ITPR1: variants seen among roughly 807,000 people sequenced by gnomAD.
ITPR1 encodes inositol 1,4,5-trisphosphate-gated calcium channel ITPR1.
Under a neutral mutation model 318.4 loss-of-function variants are expected in ITPR1, and 96 were observed. The observed-to-expected ratio is 0.30, with a 90% CI of 0.26 to 0.36. The LOEUF is 0.36. ITPR1 is among the 10% of genes least tolerant of loss of function. The pLI, the probability that ITPR1 is intolerant of heterozygous loss-of-function variation, is 1.00. For synonymous variants in ITPR1, 1,312 were observed against 1,289.9 expected (o/e 1.02, Z -0.37); for missense variants, 2,440 against 3,460.2 (o/e 0.71, Z 7.40).
intron 50 of ITPR1, among the ~76,000 whole-genome samples, chr3:4,783,185 C>G (rs1298029519): frequency 6.6e-6 from 1 of 152,154 alleles, no homozygotes; most frequent in Admixed American, 6.5e-5. Flanking sequence ...GGGGATACGG[C>G]AATACTTTAT....
At chr3:4,625,188 T>G (rs2092783602) in intron 4 of ITPR1, among the ~76,000 whole-genome samples, 1 of 151,952 alleles carries the variant, frequency 6.6e-6, no homozygotes, top group African/African-American at 2.4e-5. Flanking sequence ...TTACAGAAAC[T>G]GGAAAAATAC....
At chr3:4,658,727 TCAA>T (rs1245707900) in intron 13 of ITPR1, among the ~76,000 whole-genome samples, 1 of 152,088 alleles carries the variant, frequency 6.6e-6, no homozygotes, top group Non-Finnish European at 1.5e-5. Flanking sequence ...ATTGAGACAT[TCAA>T]CCAGAAATCT....
chr3:4,688,822 G>A (rs535800965), intron 31 of ITPR1, among the ~76,000 whole-genome samples: 4 of 152,248 alleles, frequency 2.6e-5, no homozygotes, highest in South Asian at 4.1e-4. Context: ...TTGGGGAGGG[G>A]AAAAGGAGGA....
intron 4 of ITPR1, among the ~76,000 whole-genome samples, chr3:4,626,072 C>G (rs1424802462): frequency 6.6e-6 from 1 of 151,982 alleles, no homozygotes; most frequent in African/African-American, 2.4e-5. Context: ...CCAGGAGTTC[C>G]AGGCTGTAGT....
intron 5 of ITPR1, 34 bp downstream of exon 5, chr3:4,627,912 TAGTG>T: frequency 7.6e-7 from 1 of 1,324,454 alleles, no homozygotes; most frequent in Non-Finnish European, 1.1e-6. Context: ...GATGGGGCAG[TAGTG>T]AGTGGCTGCC....
At position 4,529,112 on chromosome 3, in the gene ITPR1, A is replaced by G. The variant is rs113645716; in HGVS notation, c.163+8018A>G. On this transcript the variant is annotated intron_variant, in intron 4 of 61. Coordinates refer to ENST00000649015, the MANE Select transcript of ITPR1 (RefSeq NM_001378452.1). ...GTCTGAAGGCTCTGGGTACCCTGAA[A>G]ATGAGCATAAGGGAATTTGTGTTTA... is the stretch of plus-strand genomic sequence containing the variant. Among the ~76,000 whole-genome samples, 1,150 of 152,220 alleles carry G rather than the reference A, an allele frequency of 7.6e-3. 22 individuals are homozygous for G. Among genetic ancestry groups the G allele is most frequent in the African/African-American group, 0.026 (1,081 of 41,520 alleles).
intron 45 of ITPR1, among the ~76,000 whole-genome samples, chr3:4,766,911 A>G (rs1032385225): frequency 2.0e-5 from 3 of 152,364 alleles, no homozygotes; most frequent in Non-Finnish European, 4.4e-5. Flanking sequence ...TTCCTGTTTA[A>G]TAAAGAACAT....
intron 4 of ITPR1, among the ~76,000 whole-genome samples, chr3:4,603,199 A>G (rs2091430248): frequency 6.6e-6 from 1 of 151,646 alleles, no homozygotes; most frequent in South Asian, 2.1e-4. Context: ...TGTTTTTTTT[A>G]CAGTCAGCTA....
At chr3:4,510,933 A>C (rs2081771140) in intron 2 of ITPR1, among the ~76,000 whole-genome samples, 1 of 152,152 alleles carries the variant, frequency 6.6e-6, no homozygotes, top group South Asian at 2.1e-4. Flanking sequence ...GCCCTGTGGC[A>C]GGGAACATGA....
intron 49 of ITPR1, chr3:4,782,347 C>G: frequency 3.5e-6 from 1 of 282,654 alleles, no homozygotes; most frequent in Non-Finnish European, 6.6e-6. Context: ...GCCATTGCTG[C>G]CTTCTAAAGA....
At chr3:4,718,455 A>G (rs2041925711) in intron 40 of ITPR1, among the ~76,000 whole-genome samples, 1 of 152,248 alleles carries the variant, frequency 6.6e-6, no homozygotes, top group Non-Finnish European at 1.5e-5. Context: ...GAAATGGTTC[A>G]GATATCCCTA....
At chr3:4,599,311 C>T (rs2125079345) in intron 4 of ITPR1, among the ~76,000 whole-genome samples, 1 of 152,152 alleles carries the variant, frequency 6.6e-6, no homozygotes, top group East Asian at 1.9e-4. Flanking sequence ...TAGGCTGACT[C>T]CTGCTCACGC....
Position 4,686,306 on chromosome 3 carries a change from G to A in ITPR1, c.3702+1100G>A, listed in dbSNP as rs3804988. ...CTCAGTCATGGGGACCATATGAATC[G>A]GGCAGGTCAGGCCTTTCGGTAGCTA... On this transcript the variant is annotated intron_variant, in intron 30 of 61. Transcript: ENST00000649015. 7.9e-5 allele frequency among the ~76,000 whole-genome samples: 12 copies of A among 152,222 alleles called. No individual in the cohort carries two copies. The East Asian group carries it at 1.4e-3, about 17-fold the overall frequency.
intron 5 of ITPR1, among the ~76,000 whole-genome samples, chr3:4,628,125 A>G (rs2092899949): frequency 6.6e-6 from 1 of 152,160 alleles, no homozygotes; most frequent in African/African-American, 2.4e-5. Flanking sequence ...TGGATGGAGA[A>G]GTGGTTATGA....
intron 37 of ITPR1, among the ~76,000 whole-genome samples, chr3:4,709,058 T>G (rs1335187091): frequency 6.6e-6 from 1 of 152,230 alleles, no homozygotes; most frequent in Admixed American, 6.5e-5. Flanking sequence ...ACTTTAATCC[T>G]GTGTAAATAC....
chr3:4,728,164 G>A (rs1473419040), intron 42 of ITPR1, among the ~76,000 whole-genome samples: 9 of 152,190 alleles, frequency 5.9e-5, no homozygotes, highest in Admixed American at 5.9e-4. Flanking sequence ...GGAATTCCTT[G>A]GCCAAGGGGT....
At position 4,783,934 on chromosome 3, in the gene ITPR1, A is replaced by C; in HGVS notation, c.6615+14A>C. 3 of 1,569,866 alleles carry C rather than the reference A, an allele frequency of 1.9e-6. No homozygotes were observed. Among genetic ancestry groups the C allele is most frequent in the Non-Finnish European group, 1.7e-6 (2 of 1,150,408 alleles). On this transcript the variant is annotated intron_variant, in intron 51 of 61. Coordinates refer to ENST00000649015, the MANE Select transcript of ITPR1 (RefSeq NM_001378452.1). ...GCGCAGATAGAGGTAAAAGCTGAGT[A>C]AACTCAGGGCATGGGGTTGTGTTGA...
chr3:4,554,715 C>G (rs534388130), intron 4 of ITPR1, among the ~76,000 whole-genome samples: 15 of 152,132 alleles, frequency 9.9e-5, no homozygotes, highest in Non-Finnish European at 1.9e-4. Flanking sequence ...GCCAGTGACT[C>G]GAAATATCTG....
At chr3:4,770,515 G>A (rs140548120) in intron 46 of ITPR1, among the ~76,000 whole-genome samples, 5 of 152,234 alleles carry the variant, frequency 3.3e-5, no homozygotes, top group African/African-American at 4.8e-5. Context: ...CCCCACTGTC[G>A]GCCAGGCTGG....
Sources: gnomAD v4.1 joint callset for allele counts (sites outside exome capture counted in the v4.1 genomes callset) on GRCh38, gnomAD v4.1.1 for gene constraint, MANE v1.5 for transcripts, NCBI Gene and HGNC (gene_info 2026-07-23, HGNC 2026-07-21) for gene names.